CHN1: variants seen among roughly 807,000 people sequenced by gnomAD.
The protein encoded by CHN1 is chimerin 1.
CHN1 carries 37 observed loss-of-function variants against 59.5 expected under a neutral mutation model. The observed-to-expected ratio is 0.62, with a 90% CI of 0.48 to 0.82. The LOEUF is 0.82. Ranked by LOEUF, CHN1 falls within the 40% of genes least tolerant of loss-of-function variation. The pLI is 0.00. For synonymous variants in CHN1, 206 were observed against 200.4 expected, an observed-to-expected ratio of 1.03 and a Z score of -0.24; for missense variants, 469 against 571.0, an observed-to-expected ratio of 0.82 and a Z score of 1.82.
intron 3 of CHN1, among the ~76,000 whole-genome samples, chr2:174,928,157 C>A (rs1408951757): frequency 6.6e-6 from 1 of 152,066 alleles, no homozygotes; most frequent in Non-Finnish European, 1.5e-5. Context: ...ATTCTAATTT[C>A]TTATACTATA....
At chr2:174,837,537 G>C (rs1046020558) in intron 7 of CHN1, among the ~76,000 whole-genome samples, 1 of 152,124 alleles carries the variant, frequency 6.6e-6, no homozygotes, top group African/African-American at 2.4e-5. Flanking sequence ...AAACACGCCA[G>C]TTCTATTTTT....
At chr2:174,867,609 G>T (rs2105460839) in intron 6 of CHN1, among the ~76,000 whole-genome samples, 1 of 151,964 alleles carries the variant, frequency 6.6e-6, no homozygotes, top group South Asian at 2.1e-4. Context: ...GAGCCATGAT[G>T]GTCTTGTTCA....
chr2:174,932,702 T>A (rs1302900844), intron 3 of CHN1, among the ~76,000 whole-genome samples: 2 of 152,182 alleles, frequency 1.3e-5, no homozygotes, highest in Admixed American at 6.5e-5. Flanking sequence ...GTGCTGTTTT[T>A]GTAATAGAGT....
At chr2:174,991,248 A>G (rs1173626769) in intron 1 of CHN1, among the ~76,000 whole-genome samples, 1 of 152,208 alleles carries the variant, frequency 6.6e-6, no homozygotes, top group Non-Finnish European at 1.5e-5. Flanking sequence ...CCCTTCACCA[A>G]TTCCTTGCTA....
At chr2:174,876,921 T>A (rs983848667) in intron 6 of CHN1, among the ~76,000 whole-genome samples, 1 of 152,168 alleles carries the variant, frequency 6.6e-6, no homozygotes, top group African/African-American at 2.4e-5. Context: ...ACAGACAAAT[T>A]AGGTATTACA....
intron 1 of CHN1, among the ~76,000 whole-genome samples, chr2:174,997,405 C>T (rs1171658296): frequency 6.6e-6 from 1 of 152,100 alleles, no homozygotes; most frequent in Non-Finnish European, 1.5e-5. Flanking sequence ...AAAATGCCTG[C>T]CCTATGTTTT....
chr2:174,808,917 T>C lies in CHN1; in HGVS notation c.1090A>G (p.Ile364Val), dbSNP rs375682634. The change falls in exon 11 of 13, where the codon ATA becomes GTA. Residue 364 changes from isoleucine to valine, a missense_variant. This residue lies in a region of CHN1 where 225 missense variants were observed against 289.9 expected (regional missense o/e 0.78). Coordinates refer to ENST00000409900, the MANE Select transcript of CHN1 (RefSeq NM_001822.7). The stretch of plus-strand genomic sequence containing the variant: ...CATTCATACTTACTGGCAGATTCTA[T>C]AAACTTAGGGTAGGCATCATATGTA... ...LITYDAYPKF[I>V]ESAKIMDPDE... 2.4e-5 allele frequency: 38 copies of C among 1,613,658 alleles called. No individual in the cohort carries two copies. In the African/African-American group the frequency reaches 4.3e-4, roughly 18 times the overall value.
chr2:174,891,546 G>A (rs1688050563), intron 5 of CHN1, among the ~76,000 whole-genome samples: 1 of 150,512 alleles, frequency 6.6e-6, no homozygotes, highest in Non-Finnish European at 1.5e-5. Context: ...TCCAGCCTGG[G>A]TGACAGAGCG....
At chr2:174,947,406 G>C (rs1306908577) in intron 2 of CHN1, among the ~76,000 whole-genome samples, 1 of 151,740 alleles carries the variant, frequency 6.6e-6, no homozygotes, top group Non-Finnish European at 1.5e-5. Flanking sequence ...TCATAACGAG[G>C]AACTTTTAGA....
rs1262879686 is a variant in CHN1 at position 174,799,986 on chromosome 2, T to G, written c.*130A>C. On this transcript the variant is annotated 3_prime_UTR_variant, in exon 13 of 13. Coordinates refer to ENST00000409900, the MANE Select transcript of CHN1 (RefSeq NM_001822.7). ...GCGGTGCTACAAAAACAACAGAAAG[T>G]TCCTTCACTTTAATCTGGTTATATG... 1.2e-6 allele frequency: 1 copy of G among 861,662 alleles called. No homozygotes were observed. Among genetic ancestry groups the G allele is most frequent in the Admixed American group, 2.0e-5 (1 of 50,090 alleles). 53.4% of individuals were successfully genotyped at this position (861,662 alleles called of 1,614,324 possible).
intron 3 of CHN1, among the ~76,000 whole-genome samples, chr2:174,932,707 T>TA (rs1352408100): frequency 6.6e-6 from 1 of 152,182 alleles, no homozygotes; most frequent in African/African-American, 2.4e-5. Flanking sequence ...GTTTTTGTAA[T>TA]AGAGTTCTCA....
intron 3 of CHN1, among the ~76,000 whole-genome samples, chr2:174,936,523 A>G (rs1689501364): frequency 6.6e-6 from 1 of 152,212 alleles, no homozygotes; most frequent in Admixed American, 6.5e-5. Context: ...ACACATATAT[A>G]GATACACATT....
At chr2:174,882,693 C>A (rs897520595) in intron 5 of CHN1, among the ~76,000 whole-genome samples, 1 of 152,116 alleles carries the variant, frequency 6.6e-6, no homozygotes, top group Non-Finnish European at 1.5e-5. Flanking sequence ...AACCAACATA[C>A]AAAAACAGTT....
intron 3 of CHN1, among the ~76,000 whole-genome samples, chr2:174,922,752 C>T (rs941200932): frequency 6.6e-6 from 1 of 151,924 alleles, no homozygotes; most frequent in Non-Finnish European, 1.5e-5. Flanking sequence ...TAAATATACA[C>T]CAATAGGGCA....
At chr2:174,841,504 A>G (rs748492853) in intron 7 of CHN1, among the ~76,000 whole-genome samples, 8 of 152,188 alleles carry the variant, frequency 5.3e-5, no homozygotes, top group Non-Finnish European at 8.8e-5. Context: ...AGTCCTCTAC[A>G]TGTCCGATTG....
intron 7 of CHN1, among the ~76,000 whole-genome samples, chr2:174,827,616 G>C (rs80150004): frequency 6.6e-6 from 1 of 152,270 alleles, no homozygotes; most frequent in Non-Finnish European, 1.5e-5. Flanking sequence ...GGAGTGACAC[G>C]GTCAAGGGGG....
rs369709204 is a variant in CHN1 at position 174,952,236 on chromosome 2, A to G, written c.20-34T>C. On this transcript the variant is annotated intron_variant, in intron 1 of 12. Transcript: ENST00000409900. ...AAAAACATCAAATTAACATTACTGA[A>G]TATTTAAATTTTAAATGAGACATTT... 37 of 1,218,440 alleles carry G rather than the reference A, an allele frequency of 3.0e-5. No individual in the cohort carries two copies. The African/African-American group carries it at 5.7e-4, about 19-fold the overall frequency. 75.5% of individuals were successfully genotyped at this position (1,218,440 alleles called of 1,614,324 possible). A position where few individuals can be genotyped will look rare whatever the true frequency, so the allele number is the denominator to read the frequency against.
intron 2 of CHN1, among the ~76,000 whole-genome samples, chr2:174,949,376 T>A (rs890530613): frequency 1.3e-5 from 2 of 151,928 alleles, no homozygotes; most frequent in Admixed American, 1.3e-4. Flanking sequence ...GAGTTCAGAG[T>A]ACTGATCACA....
chr2:174,871,798 G>C (rs910122009), intron 6 of CHN1, among the ~76,000 whole-genome samples: 1 of 152,154 alleles, frequency 6.6e-6, no homozygotes, highest in African/African-American at 2.4e-5. Flanking sequence ...TAAAATGTAA[G>C]TTCTTTGAGA....
Sources: allele counts gnomAD v4.1 joint callset (sites outside exome capture counted in the v4.1 genomes callset), GRCh38; gene constraint gnomAD v4.1.1; regional missense constraint gnomAD v4.1.1; transcripts MANE v1.5; gene names NCBI Gene and HGNC (gene_info 2026-07-23, HGNC 2026-07-21).